The following SLC22A25 variants were observed in gnomAD, a reference collection of about 807,000 sequenced individuals.
SLC22A25 encodes solute carrier family 22 member 25.
SLC22A25 carries 44 observed loss-of-function variants against 45.9 expected under a neutral mutation model. The ratio of observed to expected loss-of-function variants is 0.96; its 90% CI spans 0.75 to 1.23. The LOEUF is 1.23. Ranked by LOEUF, SLC22A25 falls within the 50% of genes most tolerant of loss-of-function variation. The pLI, the probability that SLC22A25 is intolerant of heterozygous loss-of-function variation, is 0.00. For missense variants in SLC22A25, 800 were observed against 666.4 expected, an observed-to-expected ratio of 1.20 and a Z score of -2.21; for synonymous variants, 283 against 238.6, an observed-to-expected ratio of 1.19 and a Z score of -1.72.
chr11:63,213,483 A>G (rs1285452046), intron 7 of SLC22A25, among the ~76,000 whole-genome samples: 2 of 152,148 alleles, frequency 1.3e-5, no homozygotes, highest in Non-Finnish European at 2.9e-5. Flanking sequence ...GGCTACCACA[A>G]TCCTTATAGA....
intron 5 of SLC22A25, chr11:63,218,318 GA>G (rs994022132): frequency 1.0e-5 from 3 of 287,514 alleles, no homozygotes; most frequent in African/African-American, 6.7e-5. Flanking sequence ...GGGACATAAA[GA>G]AGGGAACAAT....
intron 7 of SLC22A25, among the ~76,000 whole-genome samples, chr11:63,187,861 A>G (rs1290879855): frequency 6.6e-6 from 1 of 152,204 alleles, no homozygotes; most frequent in Non-Finnish European, 1.5e-5. Flanking sequence ...TGATTTGCAT[A>G]GGTTGAACCA....
intron 5 of SLC22A25, among the ~76,000 whole-genome samples, chr11:63,219,139 A>T (rs1018169841): frequency 6.6e-6 from 1 of 152,192 alleles, no homozygotes; most frequent in Admixed American, 6.6e-5. Context: ...GGCCTCAAAA[A>T]CTAAGTTAAT....
At chr11:63,223,595 TTC>T (rs1032000954) in intron 5 of SLC22A25, among the ~76,000 whole-genome samples, 15 of 151,776 alleles carry the variant, frequency 9.9e-5, no homozygotes, top group African/African-American at 2.9e-4. Context: ...CTGTTTTGCA[TTC>T]TTTTTTTCAT....
At chr11:63,203,895 G>A (rs2089321430) in intron 7 of SLC22A25, among the ~76,000 whole-genome samples, 1 of 152,082 alleles carries the variant, frequency 6.6e-6, no homozygotes, top group African/African-American at 2.4e-5. Flanking sequence ...AAAATGTTAG[G>A]GGTAGCCAGA....
chr11:63,236,862 G>A (rs1453531963), intron 3 of SLC22A25, among the ~76,000 whole-genome samples: 1 of 152,104 alleles, frequency 6.6e-6, no homozygotes, highest in East Asian at 1.9e-4. Context: ...CTTACCTAAT[G>A]CTTTCATCTT....
At chr11:63,168,304 G>T (rs1366475719) in intron 9 of SLC22A25, among the ~76,000 whole-genome samples, 1 of 152,176 alleles carries the variant, frequency 6.6e-6, no homozygotes, top group Admixed American at 6.5e-5. Context: ...CATTAAACTG[G>T]ATGGAGAATG....
chr11:63,232,484 G>T (rs1240796479), intron 3 of SLC22A25, among the ~76,000 whole-genome samples: 1 of 152,144 alleles, frequency 6.6e-6, no homozygotes, highest in Non-Finnish European at 1.5e-5. Flanking sequence ...CATTGATTTT[G>T]TATCCTGATA....
At chr11:63,232,218 T>C (rs1478031638) in intron 3 of SLC22A25, among the ~76,000 whole-genome samples, 1 of 152,206 alleles carries the variant, frequency 6.6e-6, no homozygotes, top group Non-Finnish European at 1.5e-5. Flanking sequence ...ATAAAAGACC[T>C]TGGGCAGTAT....
chr11:63,228,523 A>G lies in SLC22A25; in HGVS notation c.444T>C (p.Ala148=), dbSNP rs2090007268. The stretch of plus-strand genomic sequence containing the variant: ...TCATTCCAGCCATGAATAGAAATTT[A>G]GCTACTGAATTCAGTGGTTGAGATT... ...VCESQPLNSV[A]KFLFMAGMMV... is the part of the protein sequence containing the mutation. Residue 148 remains alanine (A), a synonymous_variant, in exon 5 of 12, where the codon GCT becomes GCC. Transcript: ENST00000306494. 1 of 1,613,932 alleles carries G rather than the reference A, an allele frequency of 6.2e-7. No homozygotes were observed. The highest frequency in any genetic ancestry group is 1.1e-5 in the South Asian group (1 of 91,050).
At chr11:63,187,683 G>C (rs1027770308) in intron 7 of SLC22A25, among the ~76,000 whole-genome samples, 1 of 152,130 alleles carries the variant, frequency 6.6e-6, no homozygotes, top group Non-Finnish European at 1.5e-5. Flanking sequence ...CTGTGGGTTT[G>C]TCATAGATAG....
At chr11:63,238,443 A>C (rs906609060) in intron 2 of SLC22A25, among the ~76,000 whole-genome samples, 5 of 152,216 alleles carry the variant, frequency 3.3e-5, no homozygotes, top group Non-Finnish European at 7.3e-5. Context: ...CTGATTCGGC[A>C]TACAATTTAT....
chr11:63,192,382 A>G (rs1235976142), intron 7 of SLC22A25, among the ~76,000 whole-genome samples: 6 of 152,210 alleles, frequency 3.9e-5, no homozygotes, highest in Admixed American at 6.5e-5. Context: ...CATTACAAAA[A>G]CACACTGAAG....
intron 9 of SLC22A25, among the ~76,000 whole-genome samples, chr11:63,177,603 A>C (rs2134727003): frequency 6.6e-6 from 1 of 151,628 alleles, no homozygotes; most frequent in Non-Finnish European, 1.5e-5. Context: ...TTCACTTATT[A>C]CCACCAGGAG....
chr11:63,236,085 T>G (rs1036757251), intron 3 of SLC22A25, among the ~76,000 whole-genome samples: 1 of 152,026 alleles, frequency 6.6e-6, no homozygotes, highest in Non-Finnish European at 1.5e-5. Flanking sequence ...GGCTACTTGG[T>G]GTTCAGGGAC....
intron 9 of SLC22A25, among the ~76,000 whole-genome samples, chr11:63,174,667 A>G (rs1434088723): frequency 6.6e-6 from 1 of 152,154 alleles, no homozygotes; most frequent in African/African-American, 2.4e-5. Flanking sequence ...GTAAAAATGC[A>G]TAACACGAGT....
In SLC22A25 at chr11:63,158,998, C is replaced by T. The variant is rs1199596770; in HGVS notation, c.*4826G>A. 6.6e-6 allele frequency among the ~76,000 whole-genome samples: 1 copy of T among 152,126 alleles called. No individual in the cohort carries two copies. Among genetic ancestry groups the T allele is most frequent in the Non-Finnish European group, 1.5e-5 (1 of 68,038 alleles). ...TTTATCTCACACAAATAAGCAAGAA[C>T]ATGTGATGTTTGTCTTTCTGTGCCT... On this transcript the variant is annotated 3_prime_UTR_variant, in exon 12 of 12. Transcript: ENST00000306494.
intron 7 of SLC22A25, among the ~76,000 whole-genome samples, chr11:63,212,460 A>G (rs943803367): frequency 6.6e-6 from 1 of 152,184 alleles, no homozygotes; most frequent in Non-Finnish European, 1.5e-5. Flanking sequence ...AATGTGGCAC[A>G]TACACACCAT....
chr11:63,170,293 G>A (rs751419056), intron 9 of SLC22A25, among the ~76,000 whole-genome samples: 1 of 151,332 alleles, frequency 6.6e-6, no homozygotes, highest in Non-Finnish European at 1.5e-5. Context: ...GAAAAGCTAG[G>A]CAAAGACAAG....
Sources: allele counts gnomAD v4.1 joint callset (sites outside exome capture counted in the v4.1 genomes callset), GRCh38; gene constraint gnomAD v4.1.1; transcripts MANE v1.5; gene names NCBI Gene and HGNC (gene_info 2026-07-23, HGNC 2026-07-21).